Variants in ABI3BP observed in about 807,000 individuals in gnomAD.
ABI3BP encodes the protein ABI family member 3 binding protein.
In ABI3BP, 216 loss-of-function variants were observed where a neutral mutation model predicts 268.6. The ratio of observed to expected loss-of-function variants is 0.80; its 90% CI spans 0.72 to 0.90. The LOEUF (loss-of-function observed/expected upper bound fraction) is 0.90, where lower values mean the gene tolerates loss of function less well. Ranked by LOEUF, ABI3BP falls within the 40% of genes least tolerant of loss-of-function variation. The pLI is 0.00. For synonymous variants in ABI3BP, 730 were observed against 730.0 expected, an observed-to-expected ratio of 1.00 and a Z score of 0.00; for missense variants, 2,090 against 2,182.4, an observed-to-expected ratio of 0.96 and a Z score of 0.84.
intron 50 of ABI3BP, 27 bp downstream of exon 50, chr3:100,808,134 A>C: frequency 6.3e-7 from 1 of 1,598,734 alleles, no homozygotes; most frequent in Non-Finnish European, 8.5e-7. Flanking sequence ...CAAACTTTTC[A>C]AGCTAAAATG....
chr3:100,841,897 A>C, intron 21 of ABI3BP, 101 bp downstream of exon 21: 1 of 960,350 alleles, frequency 1.0e-6, no homozygotes, highest in South Asian at 1.6e-5. Context: ...CTTCATCTGG[A>C]GAAGAAAAAA....
At chr3:100,964,925 A>G (rs2080697550) in intron 1 of ABI3BP, among the ~76,000 whole-genome samples, 1 of 152,262 alleles carries the variant, frequency 6.6e-6, no homozygotes, top group South Asian at 2.1e-4. Flanking sequence ...ACTGGAAAAT[A>G]TCTGAAGAGC....
Position 100,837,176 on chromosome 3 carries a change from A to T in ABI3BP, c.2084-5T>A, listed in dbSNP as rs772017405. ...CAAATGGAACAGGCTCAGAGACTGC[A>T]TCATAAAAAATAAACAGATATAAGT... On this transcript the variant is annotated splice_region_variant and splice_polypyrimidine_tract_variant and intron_variant, in intron 26 of 67. Coordinates refer to ENST00000471714, the MANE Select transcript of ABI3BP (RefSeq NM_001375547.2). 16 of 1,533,070 alleles carry T rather than the reference A, an allele frequency of 1.0e-5. No homozygotes were observed. The highest frequency in any genetic ancestry group is 2.7e-5 in the African/African-American group (2 of 72,980). The allele number at this position is 1,533,070 out of a possible 1,614,324, so 95.0% of individuals were successfully genotyped here.
intron 1 of ABI3BP, among the ~76,000 whole-genome samples, chr3:100,965,876 A>G (rs1336038643): frequency 1.3e-5 from 2 of 152,198 alleles, no homozygotes; most frequent in African/African-American, 4.8e-5. Flanking sequence ...ATTTTTACAA[A>G]GGATAAAATG....
At chr3:100,942,227 C>G (rs970198326) in intron 1 of ABI3BP, among the ~76,000 whole-genome samples, 2 of 151,998 alleles carry the variant, frequency 1.3e-5, no homozygotes, top group Non-Finnish European at 2.9e-5. Context: ...TGTTTCAGTG[C>G]AGCATGATTA....
At chr3:100,882,494 T>A (rs538269815) in intron 6 of ABI3BP, among the ~76,000 whole-genome samples, 1 of 151,252 alleles carries the variant, frequency 6.6e-6, no homozygotes, top group East Asian at 1.9e-4. Flanking sequence ...ACAATAAACC[T>A]TCTCAAAGAA....
chr3:100,865,831 A>G (rs1430597839), intron 10 of ABI3BP, among the ~76,000 whole-genome samples: 4 of 152,216 alleles, frequency 2.6e-5, no homozygotes, highest in African/African-American at 9.6e-5. Flanking sequence ...CTATAGAGCC[A>G]TGCCTATGCT....
At chr3:100,778,234 T>G (rs1027377705) in intron 59 of ABI3BP, 50 bp downstream of exon 59, 2 of 1,570,096 alleles carry the variant, frequency 1.3e-6, no homozygotes, top group African/African-American at 2.7e-5. Context: ...TTATGTTGGC[T>G]AGTAAAACCG....
chr3:100,864,032 G>A lies in ABI3BP; in HGVS notation c.1108C>T (p.Pro370Ser). Residue 370 changes from proline (P) to serine (S), a missense_variant, in exon 12 of 68, where the codon CCT (proline) becomes TCT (serine). By Grantham distance (74) the Pro-to-Ser change is moderately conservative. Transcript: ENST00000471714. Reference protein sequence around the residue: ...TPETLQTILIPQFELPLSTLA... With the variant: ...TPETLQTILISQFELPLSTLA... Reference sequence around the variant, plus strand: ...GTGCTCAGTGGCAATTCAAACTGAGGTATTAGAATAGTTTGCAATGTTTCC... The same window carrying A: ...GTGCTCAGTGGCAATTCAAACTGAGATATTAGAATAGTTTGCAATGTTTCC... 6.5e-7 allele frequency: 1 copy of A among 1,535,980 alleles called. No individual in the cohort carries two copies.
intron 50 of ABI3BP, among the ~76,000 whole-genome samples, chr3:100,806,863 T>TTAGAA (rs145290287): frequency 0.14 from 20,961 of 152,048 alleles, 1,857 homozygotes; most frequent in South Asian, 0.27. Context: ...AATTTGAAAC[T>TTAGAA]TATAGTATAA....
intron 2 of ABI3BP, among the ~76,000 whole-genome samples, chr3:100,907,300 C>A (rs997517902): frequency 1.3e-5 from 2 of 152,114 alleles, no homozygotes; most frequent in Admixed American, 6.5e-5. Flanking sequence ...TTGAGACTAG[C>A]CTGGGCAACA....
At position 100,781,506 on chromosome 3, in the gene ABI3BP, T is replaced by C. The variant is rs1042862145; in HGVS notation, c.4163-1297A>G. ...ATCTCATAGGCAGGCCACAGGCAAA[T>C]GGTTCATTAGTCTTCCTCCTGTGTC... is the stretch of plus-strand genomic sequence containing the variant. On this transcript the variant is annotated intron_variant, in intron 57 of 67. Coordinates refer to ENST00000471714, the MANE Select transcript of ABI3BP (RefSeq NM_001375547.2). Among the ~76,000 whole-genome samples, 4 of 152,102 alleles carry C rather than the reference T, an allele frequency of 2.6e-5. No homozygotes were observed. The East Asian group carries it at 7.7e-4, about 29-fold the overall frequency.
chr3:100,776,732 G>A (rs772786304), intron 59 of ABI3BP, among the ~76,000 whole-genome samples: 78 of 152,194 alleles, frequency 5.1e-4, no homozygotes, highest in Non-Finnish European at 9.4e-4. Flanking sequence ...GCAGGGACTA[G>A]GGTTCATCTC....
At chr3:100,784,961 C>T (rs2096984420) in intron 57 of ABI3BP, among the ~76,000 whole-genome samples, 1 of 152,002 alleles carries the variant, frequency 6.6e-6, no homozygotes, top group Non-Finnish European at 1.5e-5. Flanking sequence ...AATGAGTGCA[C>T]TAAAATCTCA....
intron 9 of ABI3BP, among the ~76,000 whole-genome samples, chr3:100,873,763 C>G (rs999764083): frequency 6.6e-6 from 1 of 152,318 alleles, no homozygotes; most frequent in East Asian, 1.9e-4. Flanking sequence ...AGGGCCTTGT[C>G]TGAGGTCCCA....
chr3:100,850,344 A>C (rs552014895), intron 16 of ABI3BP, among the ~76,000 whole-genome samples: 1 of 152,352 alleles, frequency 6.6e-6, no homozygotes, highest in East Asian at 1.9e-4. Context: ...GACTTGATGC[A>C]TGGAAGTAAA....
chr3:100,824,786 T>A, intron 36 of ABI3BP, 72 bp downstream of exon 36: 1 of 1,300,990 alleles, frequency 7.7e-7, no homozygotes, highest in African/African-American at 1.5e-5. Flanking sequence ...CTGCTCAGCA[T>A]TGACACTGCT....
At chr3:100,789,956 T>C (rs903185445) in intron 55 of ABI3BP, among the ~76,000 whole-genome samples, 3 of 152,008 alleles carry the variant, frequency 2.0e-5, no homozygotes, top group Non-Finnish European at 4.4e-5. Flanking sequence ...AGAGATTGAA[T>C]GTTTAGGTAG....
Position 100,839,530 on chromosome 3 carries a change from A to G in ABI3BP, c.1945+39T>C, listed in dbSNP as rs950095343. 2.6e-6 allele frequency: 4 copies of G among 1,533,488 alleles called. No individual in the cohort carries two copies. The African/African-American group carries it at 4.1e-5, about 16-fold the overall frequency. The allele number at this position is 1,533,488 out of a possible 1,614,324, so 95.0% of individuals were successfully genotyped here. ...GGAGAGTGGGGAAAGCAAAAGCTAC[A>G]ACCCGTGAAAGCAGCCGTGGTGGAG... On this transcript the variant is annotated intron_variant, in intron 24 of 67. Transcript: ENST00000471714.
Sources: gnomAD v4.1 joint callset for allele counts (sites outside exome capture counted in the v4.1 genomes callset) on GRCh38, gnomAD v4.1.1 for gene constraint, MANE v1.5 for transcripts, NCBI Gene and HGNC (gene_info 2026-07-23, HGNC 2026-07-21) for gene names.